The following DPP6 variants were observed in gnomAD, a reference collection of about 807,000 sequenced individuals.
DPP6 encodes A-type potassium channel modulatory protein DPP6.
In DPP6, 69 loss-of-function variants were observed where a neutral mutation model predicts 122.6. The ratio of observed to expected loss-of-function variants is 0.56; its 90% CI spans 0.46 to 0.69. The LOEUF (loss-of-function observed/expected upper bound fraction) is 0.69, where lower values mean the gene tolerates loss of function less well. Among genes scored for constraint, DPP6 ranks in the 30% least tolerant of loss-of-function variants. The pLI is 0.00. For missense variants in DPP6, 928 were observed against 1,116.9 expected (o/e 0.83, Z 2.41); for synonymous variants, 418 against 433.1 (o/e 0.97, Z 0.43).
chr7:154,696,767 C>CCT (rs1355519986), intron 7 of DPP6, among the ~76,000 whole-genome samples: 1 of 152,206 alleles, frequency 6.6e-6, no homozygotes, highest in Non-Finnish European at 1.5e-5. Context: ...GCCGTGTTAG[C>CCT]CTTTGTTAAT....
chr7:154,850,245 A>G (rs187785527), intron 16 of DPP6, among the ~76,000 whole-genome samples: 1 of 152,236 alleles, frequency 6.6e-6, no homozygotes, highest in Admixed American at 6.5e-5. Context: ...ATGCCTTTGT[A>G]TCCTCATACT....
chr7:153,941,243 A>G (rs900502899), intron 1 of DPP6, among the ~76,000 whole-genome samples: 1 of 152,210 alleles, frequency 6.6e-6, no homozygotes, highest in African/African-American at 2.4e-5. Context: ...TAAACCAGCC[A>G]CTGTTGGCAC....
intron 1 of DPP6, chr7:154,057,345 C>G (rs1275249618): frequency 6.1e-6 from 1 of 163,446 alleles, no homozygotes; most frequent in Non-Finnish European, 1.2e-5. Flanking sequence ...GGGGAGACAC[C>G]CCCCGCGAGG....
intron 3 of DPP6, among the ~76,000 whole-genome samples, chr7:154,512,193 C>T (rs531979516): frequency 1.2e-3 from 190 of 152,248 alleles, no homozygotes; most frequent in African/African-American, 4.2e-3. Context: ...CCCAGCTAAT[C>T]GGAAAAGCTT....
chr7:153,826,187 G>C, the DPP6 span, among the ~76,000 whole-genome samples: 1 of 152,202 alleles, frequency 6.6e-6, no homozygotes, highest in Non-Finnish European at 1.5e-5. Context: ...GCTTCAGAGA[G>C]TGTGTGGGAT....
chr7:154,684,407 T>G lies in DPP6; in HGVS notation c.762+14966T>G, dbSNP rs116076910. On this transcript the variant is annotated intron_variant, in intron 7 of 25. Coordinates refer to ENST00000377770, the MANE Select transcript of DPP6 (RefSeq NM_130797.4). The stretch of plus-strand genomic sequence containing the variant: ...TCAGCCACTTTGTGTAGACTGTTAG[T>G]AAGCATTAAATACGTGTTCAAAGGT... Among the ~76,000 whole-genome samples, 1,445 of 152,348 alleles carry G rather than the reference T, an allele frequency of 9.5e-3. 23 individuals are homozygous for G. Among genetic ancestry groups the G allele is most frequent in the African/African-American group, 0.033 (1,374 of 41,574 alleles).
At chr7:154,480,973 C>T (rs571764655) in intron 3 of DPP6, among the ~76,000 whole-genome samples, 11 of 152,236 alleles carry the variant, frequency 7.2e-5, no homozygotes, top group South Asian at 2.1e-4. Context: ...TCAGAACACA[C>T]GTGCCCATCC....
At chr7:153,780,377 T>A in the DPP6 span, among the ~76,000 whole-genome samples, 3 of 152,106 alleles carry the variant, frequency 2.0e-5, no homozygotes, top group Non-Finnish European at 4.4e-5. Context: ...TAAAAACAAA[T>A]CGAATGGTTC....
the DPP6 span, among the ~76,000 whole-genome samples, chr7:153,874,246 G>A: frequency 1.3e-4 from 14 of 107,086 alleles, no homozygotes; most frequent in Middle Eastern, 9.9e-3. Flanking sequence ...GCGCGCGTGC[G>A]CACATGCACA....
At chr7:154,061,778 G>GT (rs1801963529) in intron 1 of DPP6, among the ~76,000 whole-genome samples, 1 of 136,444 alleles carries the variant, frequency 7.3e-6, no homozygotes, top group Admixed American at 7.0e-5. Context: ...CCATCGCAGG[G>GT]AGGGAGGCAC....
intron 1 of DPP6, among the ~76,000 whole-genome samples, chr7:154,341,004 G>A (rs1212709279): frequency 6.6e-6 from 1 of 152,022 alleles, no homozygotes; most frequent in Non-Finnish European, 1.5e-5. Flanking sequence ...TATATAAATT[G>A]AATTATTATA....
intron 6 of DPP6, among the ~76,000 whole-genome samples, chr7:154,648,800 T>G (rs1262097282): frequency 6.6e-6 from 1 of 151,856 alleles, no homozygotes; most frequent in Non-Finnish European, 1.5e-5. Context: ...GCACCTATAG[T>G]CCCGGCCACT....
At chr7:154,862,036 A>C (rs186555177) in intron 17 of DPP6, among the ~76,000 whole-genome samples, 197 of 152,232 alleles carry the variant, frequency 1.3e-3, no homozygotes, top group African/African-American at 3.9e-3. Context: ...TTCCCCTTCC[A>C]TTTTGTTAAA....
intron 1 of DPP6, among the ~76,000 whole-genome samples, chr7:154,135,507 G>A (rs2150645867): frequency 6.6e-6 from 1 of 151,800 alleles, no homozygotes; most frequent in East Asian, 2.0e-4. Context: ...CTTCCTGTGA[G>A]CATACACTTC....
intron 10 of DPP6, among the ~76,000 whole-genome samples, chr7:154,780,776 C>T (rs2150402063): frequency 6.6e-6 from 1 of 152,272 alleles, no homozygotes; most frequent in Middle Eastern, 3.4e-3. Flanking sequence ...AATGTGTTAA[C>T]ATGCATTGAG....
chr7:154,063,296 C>A (rs1181056235), intron 1 of DPP6, among the ~76,000 whole-genome samples: 5 of 121,888 alleles, frequency 4.1e-5, no homozygotes, highest in South Asian at 3.1e-4. Flanking sequence ...AGGGACCCCC[C>A]ATGAGGCGGG....
chr7:154,097,601 T>C (rs1287693613), intron 1 of DPP6, among the ~76,000 whole-genome samples: 1 of 152,270 alleles, frequency 6.6e-6, no homozygotes, highest in Non-Finnish European at 1.5e-5. Flanking sequence ...TAGACACTTA[T>C]ATAATAAATT....
At chr7:153,890,175 GTTT>G (rs1288023184) in intron 1 of DPP6, among the ~76,000 whole-genome samples, 1 of 152,208 alleles carries the variant, frequency 6.6e-6, no homozygotes, top group Non-Finnish European at 1.5e-5. Flanking sequence ...GTGGCAGAAT[GTTT>G]TCTACTTTGC....
At chr7:154,360,517 T>C (rs965444196) in intron 1 of DPP6, among the ~76,000 whole-genome samples, 2 of 152,178 alleles carry the variant, frequency 1.3e-5, no homozygotes, top group African/African-American at 4.8e-5. Context: ...TGTGCTGAAA[T>C]AGGGTTGTGA....
Sources: gnomAD v4.1 joint callset for allele counts (sites outside exome capture counted in the v4.1 genomes callset) on GRCh38, gnomAD v4.1.1 for gene constraint, MANE v1.5 for transcripts, NCBI Gene and HGNC (gene_info 2026-07-23, HGNC 2026-07-21) for gene names.